The following ZNF423 variants were observed in gnomAD, a reference collection of about 807,000 sequenced individuals.
The protein encoded by ZNF423 is Ebf-associated zinc finger protein.
A neutral mutation model predicts 95.8 loss-of-function variants in ZNF423; 12 were observed. The ratio of observed to expected loss-of-function variants is 0.13; its 90% CI spans 0.08 to 0.20. The LOEUF is 0.20. Among genes scored for constraint, ZNF423 ranks in the 10% least tolerant of loss-of-function variants. The probability of loss-of-function intolerance (pLI) is 1.00; values close to 1 mark genes in which losing one functional copy is unlikely to be tolerated. For missense variants in ZNF423, 1,316 were observed against 1,737.1 expected (o/e 0.76, Z 4.31); for synonymous variants, 749 against 711.9 (o/e 1.05, Z -0.83).
chr16:49,694,931 C>CA lies in ZNF423; in HGVS notation c.301+35839dup, dbSNP rs1187657500. 1.1e-4 allele frequency among the ~76,000 whole-genome samples: 17 copies of CA among 152,354 alleles called. No individual in the cohort carries two copies. In the South Asian group the frequency reaches 3.3e-3, roughly 30 times the overall value. On this transcript the variant is annotated intron_variant, in intron 3 of 7. Coordinates refer to ENST00000563137, the MANE Select transcript of ZNF423 (RefSeq NM_001379286.1). ...CCAGGCAAAATATGACCAAGCCTTACAAATACTTGTCCACCTAGTGAAGAC... is the reference window on the plus strand; with the variant it reads ...CCAGGCAAAATATGACCAAGCCTTACAAAATACTTGTCCACCTAGTGAAGAC...
At chr16:49,563,367 A>C (rs1172121050) in intron 5 of ZNF423, among the ~76,000 whole-genome samples, 1 of 152,152 alleles carries the variant, frequency 6.6e-6, no homozygotes, top group Non-Finnish European at 1.5e-5. Context: ...GAGTGGAAGC[A>C]GCCTGAGGCC....
intron 5 of ZNF423, among the ~76,000 whole-genome samples, chr16:49,527,096 G>C (rs551687259): frequency 1.3e-5 from 2 of 152,176 alleles, no homozygotes; most frequent in South Asian, 4.1e-4. Flanking sequence ...CCTGGCAGGG[G>C]CTGGCAGAGA....
intron 2 of ZNF423, among the ~76,000 whole-genome samples, chr16:49,749,685 A>T (rs1342727668): frequency 6.6e-6 from 1 of 150,840 alleles, no homozygotes; most frequent in East Asian, 2.0e-4. Context: ...GGCCATGGTC[A>T]TCTCTTCCAG....
intron 3 of ZNF423, among the ~76,000 whole-genome samples, chr16:49,675,567 C>G (rs570802315): frequency 6.6e-6 from 1 of 152,254 alleles, no homozygotes; most frequent in Admixed American, 6.5e-5. Flanking sequence ...CACCCCACCC[C>G]CCTCCAGCTG....
intron 3 of ZNF423, among the ~76,000 whole-genome samples, chr16:49,660,152 T>A (rs956204691): frequency 1.1e-4 from 16 of 152,180 alleles, no homozygotes; most frequent in African/African-American, 3.4e-4. Context: ...GATTCCTGGA[T>A]CCCTGGATCC....
chr16:49,666,305 C>T (rs923589654), intron 3 of ZNF423, among the ~76,000 whole-genome samples: 10 of 152,186 alleles, frequency 6.6e-5, no homozygotes, highest in African/African-American at 2.2e-4. Context: ...CCAATCCTCA[C>T]GCCTTTAATA....
At chr16:49,688,522 C>G (rs1264508164) in intron 3 of ZNF423, among the ~76,000 whole-genome samples, 2 of 152,136 alleles carry the variant, frequency 1.3e-5, no homozygotes, top group Non-Finnish European at 2.9e-5. Context: ...GGCGGCTCCC[C>G]CGGAGGCTGA....
chr16:49,731,992 G>A (rs1354777007), intron 2 of ZNF423, among the ~76,000 whole-genome samples: 1 of 152,164 alleles, frequency 6.6e-6, no homozygotes. Flanking sequence ...TTGCAATTGT[G>A]CTGTGTTCCG....
chr16:49,603,724 A>T lies in ZNF423; in HGVS notation c.3601+22446T>A, dbSNP rs1971450258. On this transcript the variant is annotated intron_variant, in intron 5 of 7. Transcript: ENST00000563137. This position sits in a 1 kb window ranked among gnomAD's most constrained non-coding sequence, Gnocchi z 4.1. ...CATGCCCGGCCTAGAAATTCTTAATAATTTTCTGACATACAGCCCACATTT... is the reference window on the plus strand; with the variant it reads ...CATGCCCGGCCTAGAAATTCTTAATTATTTTCTGACATACAGCCCACATTT... Among the ~76,000 whole-genome samples, 1 of 152,142 alleles carries T rather than the reference A, an allele frequency of 6.6e-6. No homozygotes were observed. Among genetic ancestry groups the T allele is most frequent in the African/African-American group, 2.4e-5 (1 of 41,426 alleles).
At chr16:49,688,252 C>T (rs1452755009) in intron 3 of ZNF423, among the ~76,000 whole-genome samples, 1 of 152,174 alleles carries the variant, frequency 6.6e-6, no homozygotes. Flanking sequence ...AACACAAACT[C>T]CTCCTTTTTC....
chr16:49,529,178 C>T (rs1968745419), intron 5 of ZNF423, among the ~76,000 whole-genome samples: 1 of 151,458 alleles, frequency 6.6e-6, no homozygotes, highest in Non-Finnish European at 1.5e-5. Context: ...GACAGACCCA[C>T]ACAACTCAAG....
intron 5 of ZNF423, among the ~76,000 whole-genome samples, chr16:49,620,384 G>A (rs1253779055): frequency 6.6e-6 from 1 of 152,148 alleles, no homozygotes; most frequent in Admixed American, 6.5e-5. Flanking sequence ...TGGGCAGGAG[G>A]CAGGAGGGGT....
At chr16:49,784,452 A>G (rs2034276873) in intron 2 of ZNF423, among the ~76,000 whole-genome samples, 2 of 152,246 alleles carry the variant, frequency 1.3e-5, no homozygotes, top group Non-Finnish European at 2.9e-5. Context: ...CAAAATGTCA[A>G]TCAACAATAC....
At chr16:49,740,627 T>C (rs1319400024) in intron 2 of ZNF423, among the ~76,000 whole-genome samples, 2 of 152,250 alleles carry the variant, frequency 1.3e-5, no homozygotes, top group African/African-American at 4.8e-5. Context: ...AACTTCCTGA[T>C]GGCTGTCTGG....
intron 1 of ZNF423, among the ~76,000 whole-genome samples, chr16:49,848,457 G>A (rs1216710646): frequency 2.6e-5 from 4 of 152,128 alleles, no homozygotes; most frequent in South Asian, 2.1e-4. Context: ...ATCTTTTTCT[G>A]TATGGGTTCT....
intron 5 of ZNF423, among the ~76,000 whole-genome samples, chr16:49,528,758 A>G (rs1389384870): frequency 1.3e-5 from 2 of 151,926 alleles, no homozygotes; most frequent in Admixed American, 6.6e-5. Context: ...CCATCCAGGA[A>G]AACAGGGGGA....
At chr16:49,601,585 T>C (rs1016429274) in intron 5 of ZNF423, among the ~76,000 whole-genome samples, 5 of 152,304 alleles carry the variant, frequency 3.3e-5, no homozygotes, top group Non-Finnish European at 1.5e-5. Flanking sequence ...ACAAGGCACA[T>C]GGTGGGGACA....
rs200127497 is a variant in ZNF423 at position 49,636,164 on chromosome 16, G to C, written c.3012C>G (p.Pro1004=). 2.3e-4 allele frequency: 379 copies of C among 1,613,550 alleles called. 1 individual carries two copies. Among genetic ancestry groups the C allele is most frequent in the Admixed American group, 1.2e-4 (7 of 59,996 alleles). The change falls in exon 4 of 8, where the codon CCC becomes CCG. Residue 1004 remains proline (P), a synonymous_variant. Coordinates refer to ENST00000563137, the MANE Select transcript of ZNF423 (RefSeq NM_001379286.1). The surrounding 1 kb of genome is among the most constrained non-coding windows in gnomAD (Gnocchi z 8.6). ...DTGTCRICKM[P]LQSEEEFIEH... is the part of the protein sequence containing the mutation. Reference sequence around the variant, plus strand: ...CAATAAACTCCTCCTCGCTCTGCAGGGGCATCTTGCAGATGCGACAGGTGC... The same window carrying C: ...CAATAAACTCCTCCTCGCTCTGCAGCGGCATCTTGCAGATGCGACAGGTGC...
chr16:49,497,491 A>T (rs1476054089), intron 7 of ZNF423, among the ~76,000 whole-genome samples: 2 of 152,194 alleles, frequency 1.3e-5, no homozygotes, highest in African/African-American at 4.8e-5. Flanking sequence ...GAGTCCCTAT[A>T]GCATATGAAG....
Sources: gnomAD v4.1 joint callset for allele counts (sites outside exome capture counted in the v4.1 genomes callset) on GRCh38, gnomAD v4.1.1 for gene constraint, Gnocchi (gnomAD v3.1) non-coding constraint, MANE v1.5 for transcripts, NCBI Gene and HGNC (gene_info 2026-07-23, HGNC 2026-07-21) for gene names.